Variants in PSME4 observed in about 807,000 individuals in gnomAD.
PSME4 encodes proteasome activator subunit 4, also known as proteasome activator complex subunit 4.
In PSME4, 89 loss-of-function variants were observed where a neutral mutation model predicts 253.9. The observed-to-expected ratio is 0.35, with a 90% confidence interval of 0.30 to 0.42. The LOEUF (loss-of-function observed/expected upper bound fraction) is 0.42. PSME4 is among the 10% of genes least tolerant of loss of function. The pLI, the probability that PSME4 is intolerant of heterozygous loss-of-function variation, is 1.00. For missense variants in PSME4, 2,014 were observed against 2,195.2 expected (o/e 0.92, Z 1.65); for synonymous variants, 851 against 759.2 (o/e 1.12, Z -1.99).
chr2:53,932,468 G>A (rs1668876511), intron 9 of PSME4, among the ~76,000 whole-genome samples, 200 bp downstream of exon 9: 1 of 152,116 alleles, frequency 6.6e-6, no homozygotes, highest in African/African-American at 2.4e-5. Context: ...GAGCCATGTT[G>A]TCAACAGTTA....
chr2:53,880,694 C>CAGAA (rs1679341760), intron 41 of PSME4, among the ~76,000 whole-genome samples: 1 of 152,150 alleles, frequency 6.6e-6, no homozygotes, highest in African/African-American at 2.4e-5. Flanking sequence ...AAAACAATTT[C>CAGAA]AGAAACACTT....
chr2:53,928,391 C>T, intron 10 of PSME4, 88 bp from the exon 11 acceptor site: 2 of 1,091,434 alleles, frequency 1.8e-6, no homozygotes, highest in Non-Finnish European at 1.3e-6. Flanking sequence ...TCATAAACTG[C>T]ACTTTGACTT....
intron 41 of PSME4, among the ~76,000 whole-genome samples, chr2:53,876,129 G>A (rs1679103956): frequency 1.3e-5 from 2 of 152,028 alleles, no homozygotes; most frequent in Admixed American, 6.6e-5. Flanking sequence ...AATATGTGGC[G>A]GTACTCAGAT....
chr2:53,904,039 G>T lies in PSME4; in HGVS notation c.3061C>A (p.Gln1021Lys). ...FLRPDRQGVT[Q>K]QQFKGALYCL... ...AAACCCTATACCTTGAATTGTTGCTGTGTAACACCTTGTCTATCAGGCCTT... is the reference window on the plus strand; with the variant it reads ...AAACCCTATACCTTGAATTGTTGCTTTGTAACACCTTGTCTATCAGGCCTT... The change falls in exon 27 of 47, where the codon CAG becomes AAG. Residue 1021 changes from glutamine to lysine, a missense_variant. Transcript: ENST00000404125. 2 of 1,612,776 alleles carry T rather than the reference G, an allele frequency of 1.2e-6. No individual in the cohort carries two copies. The highest frequency in any genetic ancestry group is 1.7e-6 in the Non-Finnish European group (2 of 1,179,430).
chr2:53,962,865 G>T (rs998162097), intron 1 of PSME4, among the ~76,000 whole-genome samples: 2 of 151,946 alleles, frequency 1.3e-5, no homozygotes, highest in Admixed American at 6.6e-5. Flanking sequence ...AGAAAAATTC[G>T]CCAGGCATGG....
At chr2:53,902,372 G>C (rs575742323) in intron 27 of PSME4, among the ~76,000 whole-genome samples, 2 of 152,242 alleles carry the variant, frequency 1.3e-5, no homozygotes, top group East Asian at 1.9e-4. Flanking sequence ...GGTATCCTTT[G>C]ATGACAGCAG....
At chr2:53,894,647 G>A (rs988929871) in intron 34 of PSME4, among the ~76,000 whole-genome samples, 2 of 152,126 alleles carry the variant, frequency 1.3e-5, no homozygotes, top group Admixed American at 6.6e-5. Flanking sequence ...ATGCATTTAC[G>A]GAGATCCCAT....
At chr2:53,883,974 C>A (rs977250037) in intron 41 of PSME4, among the ~76,000 whole-genome samples, 1 of 152,024 alleles carries the variant, frequency 6.6e-6, no homozygotes, top group African/African-American at 2.4e-5. Flanking sequence ...AATTTCTGAC[C>A]GCCTCTTCTA....
intron 19 of PSME4, among the ~76,000 whole-genome samples, chr2:53,919,927 A>G (rs1053810582): frequency 6.6e-6 from 1 of 152,180 alleles, no homozygotes; most frequent in African/African-American, 2.4e-5. Context: ...ATATCTACAC[A>G]CACCTTCCAA....
At chr2:53,963,004 A>G (rs1003497710) in intron 1 of PSME4, among the ~76,000 whole-genome samples, 5 of 149,100 alleles carry the variant, frequency 3.4e-5, no homozygotes, top group African/African-American at 1.2e-4. Context: ...AGCGAGACTC[A>G]GTGTCAAAAA....
intron 4 of PSME4, among the ~76,000 whole-genome samples, chr2:53,939,043 G>C (rs954612720): frequency 6.6e-6 from 1 of 152,078 alleles, no homozygotes; most frequent in African/African-American, 2.4e-5. Context: ...TTTCCAGTGA[G>C]GAAACACAGG....
chr2:53,916,442 T>C (rs1049521795), intron 20 of PSME4, among the ~76,000 whole-genome samples: 1 of 152,196 alleles, frequency 6.6e-6, no homozygotes, highest in African/African-American at 2.4e-5. Flanking sequence ...CCTGACCTAG[T>C]ATATTTTCCC....
chr2:53,953,616 A>G (rs1332732764), intron 1 of PSME4, among the ~76,000 whole-genome samples: 1 of 148,974 alleles, frequency 6.7e-6, no homozygotes, highest in Non-Finnish European at 1.5e-5. Flanking sequence ...TTTTTTTTTA[A>G]GGTGAATGAA....
intron 20 of PSME4, among the ~76,000 whole-genome samples, chr2:53,913,532 C>T: frequency 6.6e-6 from 1 of 152,164 alleles, no homozygotes; most frequent in East Asian, 1.9e-4. Context: ...TAACCCTTCC[C>T]CTTCCAAATA....
chr2:53,937,304 T>C, intron 5 of PSME4, 87 bp downstream of exon 5: 1 of 1,250,840 alleles, frequency 8.0e-7, no homozygotes, highest in Non-Finnish European at 1.1e-6. Flanking sequence ...TGCAAAATGA[T>C]TTTTCTAGTT....
chr2:53,954,392 C>T (rs805451), intron 1 of PSME4, among the ~76,000 whole-genome samples: 33,743 of 152,012 alleles, frequency 0.22, 4,132 homozygotes, highest in South Asian at 0.32. Context: ...GAAATCCCAG[C>T]ATTTTGGAAG....
At chr2:53,942,221 G>GT (rs1278555904) in intron 3 of PSME4, 2 of 152,442 alleles carry the variant, frequency 1.3e-5, no homozygotes, top group Non-Finnish European at 2.9e-5. Context: ...AGGGAACAAT[G>GT]TTTCTGTTTA....
intron 1 of PSME4, 90 bp downstream of exon 1, chr2:53,970,453 G>T: frequency 7.2e-6 from 11 of 1,535,142 alleles, no homozygotes; most frequent in Non-Finnish European, 9.6e-6. Context: ...AGAGCTAAGG[G>T]TCCAGCCCTC....
At chr2:53,915,670 C>A (rs1252794664) in intron 20 of PSME4, among the ~76,000 whole-genome samples, 1 of 151,646 alleles carries the variant, frequency 6.6e-6, no homozygotes, top group Non-Finnish European at 1.5e-5. Flanking sequence ...AAGACAAAGA[C>A]TACTAATACA....
Sources: allele counts gnomAD v4.1 joint callset (sites outside exome capture counted in the v4.1 genomes callset), GRCh38; gene constraint gnomAD v4.1.1; transcripts MANE v1.5; gene names NCBI Gene and HGNC (gene_info 2026-07-23, HGNC 2026-07-21).